Variants in ALDH1A1 observed in about 807,000 individuals in gnomAD.
The protein encoded by ALDH1A1 is aldehyde dehydrogenase 1A1.
Under a neutral mutation model 62.1 loss-of-function variants are expected in ALDH1A1, and 19 were observed. The ratio of observed to expected loss-of-function variants is 0.31; its 90% CI spans 0.21 to 0.45. ALDH1A1 has a LOEUF of 0.45. ALDH1A1 is among the 20% of genes least tolerant of loss of function. ALDH1A1 has a pLI of 1.00. For synonymous variants in ALDH1A1, 231 were observed against 215.9 expected, an observed-to-expected ratio of 1.07 and a Z score of -0.61; for missense variants, 521 against 607.1, an observed-to-expected ratio of 0.86 and a Z score of 1.49.
At chr9:72,942,469 AT>A (rs748016527) in intron 1 of ALDH1A1, 4 of 741,544 alleles carry the variant, frequency 5.4e-6, no homozygotes, top group Admixed American at 6.3e-5. Context: ...CTATACAAGT[AT>A]AAAAAAGCTT....
chr9:72,909,933 A>G (rs1013638406), intron 10 of ALDH1A1, among the ~76,000 whole-genome samples, 174 bp from the exon 11 acceptor site: 1 of 152,212 alleles, frequency 6.6e-6, no homozygotes, highest in Non-Finnish European at 1.5e-5. Context: ...AGGTGAAAAC[A>G]GATAATGGTC....
chr9:72,944,865 A>T (rs890178279), intron 1 of ALDH1A1, among the ~76,000 whole-genome samples: 2 of 152,084 alleles, frequency 1.3e-5, no homozygotes, highest in Non-Finnish European at 2.9e-5. Context: ...TGAAATATTG[A>T]TTGGAAATTA....
chr9:72,937,641 T>C (rs1047298289), intron 2 of ALDH1A1, among the ~76,000 whole-genome samples: 2 of 152,298 alleles, frequency 1.3e-5, no homozygotes, highest in African/African-American at 2.4e-5. Flanking sequence ...ACTGTGGACA[T>C]GTACAGAGGC....
intron 7 of ALDH1A1, among the ~76,000 whole-genome samples, chr9:72,919,990 T>C (rs1830118087): frequency 6.6e-6 from 1 of 152,226 alleles, no homozygotes; most frequent in Non-Finnish European, 1.5e-5. Flanking sequence ...ATTATTTGTA[T>C]GGCAGCCTTA....
intron 12 of ALDH1A1, among the ~76,000 whole-genome samples, 168 bp downstream of exon 12, chr9:72,905,790 T>C (rs915753535): frequency 1.8e-4 from 28 of 152,272 alleles, no homozygotes; most frequent in Admixed American, 1.4e-3. Flanking sequence ...AATCACCTTT[T>C]GCACTTATGG....
At position 72,928,759 on chromosome 9, in the gene ALDH1A1, C is replaced by T. The variant is rs1588139300; in HGVS notation, c.442+133G>A. On this transcript the variant is annotated intron_variant, in intron 4 of 12. Coordinates refer to ENST00000297785, the MANE Select transcript of ALDH1A1 (RefSeq NM_000689.5). ...ACTTCTAAGTTGAAAACTGTGTTGT[C>T]TCAAAGTCAAGAGGAAAATAATTTT... 3 of 1,042,332 alleles carry T rather than the reference C, an allele frequency of 2.9e-6. No individual in the cohort carries two copies. In the East Asian group the frequency reaches 8.2e-5, roughly 28 times the overall value. 64.6% of individuals were successfully genotyped at this position (1,042,332 alleles called of 1,614,324 possible). A position where few individuals can be genotyped will look rare whatever the true frequency, so the allele number is the denominator to read the frequency against.
At chr9:72,935,743 C>T (rs779925009) in intron 2 of ALDH1A1, among the ~76,000 whole-genome samples, 4 of 151,992 alleles carry the variant, frequency 2.6e-5, no homozygotes, top group Admixed American at 6.6e-5. Context: ...TTTATAATAC[C>T]GTTGAAAGGC....
chr9:72,939,320 G>C (rs1033114539), intron 2 of ALDH1A1, among the ~76,000 whole-genome samples: 3 of 151,812 alleles, frequency 2.0e-5, no homozygotes, highest in Admixed American at 6.6e-5. Flanking sequence ...GGTTTTTGTT[G>C]TTTCTATTAT....
Position 72,911,970 on chromosome 9 carries a change from A to C in ALDH1A1, c.1188T>G (p.Ile396Met), listed in dbSNP as rs1829996266. Residue 396 changes from isoleucine (I) to methionine (M), a missense_variant, in exon 10 of 13, where the codon ATT becomes ATG. Coordinates refer to ENST00000297785, the MANE Select transcript of ALDH1A1 (RefSeq NM_000689.5). ...VFSNVTDEMR[I>M]AKEEIFGPVQ... ...TGAAGCCATTTACCTCCTCTTTGGC[A>C]ATGCGCATCTCATCTGTAACATTAG... is the stretch of plus-strand genomic sequence containing the variant. The C allele has an allele frequency of 6.2e-7, 1 of 1,613,868 alleles. No homozygotes were observed. Among genetic ancestry groups the C allele is most frequent in the Admixed American group, 1.7e-5 (1 of 59,976 alleles).
chr9:72,952,102 T>C (rs191563262), intron 1 of ALDH1A1, among the ~76,000 whole-genome samples: 162 of 152,136 alleles, frequency 1.1e-3, no homozygotes, highest in Non-Finnish European at 1.9e-3. Flanking sequence ...GTTAATTTCT[T>C]ACCATACTTT....
chr9:72,950,481 G>A (rs923995006), intron 1 of ALDH1A1, among the ~76,000 whole-genome samples: 9 of 151,714 alleles, frequency 5.9e-5, no homozygotes, highest in Admixed American at 2.6e-4. Context: ...ATTTTAGAAA[G>A]CATTTCTTAA....
chr9:72,906,577 A>G (rs753726192), intron 11 of ALDH1A1, among the ~76,000 whole-genome samples: 1 of 152,168 alleles, frequency 6.6e-6, no homozygotes, highest in African/African-American at 2.4e-5. Context: ...ATTCCCTGTC[A>G]TATTTCATAA....
chr9:72,943,868 G>A (rs574535534), intron 1 of ALDH1A1, among the ~76,000 whole-genome samples: 3 of 151,952 alleles, frequency 2.0e-5, no homozygotes, highest in Non-Finnish European at 4.4e-5. Flanking sequence ...CCAAAGCAGC[G>A]GTGTTGTCAA....
chr9:72,935,118 A>C (rs1463766468), intron 2 of ALDH1A1, among the ~76,000 whole-genome samples: 3 of 152,218 alleles, frequency 2.0e-5, no homozygotes, highest in Admixed American at 1.3e-4. Flanking sequence ...ATAATAAATC[A>C]TATTTTAATA....
chr9:72,949,474 TGC>T (rs1830512434), intron 1 of ALDH1A1, among the ~76,000 whole-genome samples: 1 of 151,878 alleles, frequency 6.6e-6, no homozygotes, highest in Non-Finnish European at 1.5e-5. Flanking sequence ...GTCACTTACT[TGC>T]TGTGTAACTT....
intron 2 of ALDH1A1, 69 bp from the exon 3 acceptor site, chr9:72,931,088 C>T: frequency 6.3e-7 from 1 of 1,577,982 alleles, no homozygotes; most frequent in East Asian, 2.2e-5. Flanking sequence ...TGCCAATAAC[C>T]CTGTAAAATA....
chr9:72,906,683 A>G (rs932909462), intron 11 of ALDH1A1, among the ~76,000 whole-genome samples: 2 of 152,196 alleles, frequency 1.3e-5, no homozygotes, highest in Non-Finnish European at 2.9e-5. Flanking sequence ...AGATGGGGAA[A>G]ATTAGAATGC....
chr9:72,937,013 C>T (rs1053986783), intron 2 of ALDH1A1, among the ~76,000 whole-genome samples: 3 of 152,070 alleles, frequency 2.0e-5, no homozygotes, highest in African/African-American at 7.2e-5. Flanking sequence ...AGGTGGGGCT[C>T]AGCTATCTGT....
At chr9:72,941,127 G>C (rs563860416) in intron 1 of ALDH1A1, among the ~76,000 whole-genome samples, 1 of 152,122 alleles carries the variant, frequency 6.6e-6, no homozygotes, top group Non-Finnish European at 1.5e-5. Context: ...AGATGGACTA[G>C]TTTATTCTAT....
Sources: gnomAD v4.1 joint callset for allele counts (sites outside exome capture counted in the v4.1 genomes callset) on GRCh38, gnomAD v4.1.1 for gene constraint, MANE v1.5 for transcripts, NCBI Gene and HGNC (gene_info 2026-07-23, HGNC 2026-07-21) for gene names.